ABCG2: variants seen among roughly 807,000 people sequenced by gnomAD.
ABCG2 encodes the protein ATP binding cassette subfamily G member 2 (JR blood group).
A neutral mutation model predicts 73.5 loss-of-function variants in ABCG2; 80 were observed. The observed-to-expected ratio is 1.09, with a 90% confidence interval of 0.91 to 1.31. ABCG2 has a LOEUF of 1.31. Ranked by LOEUF, ABCG2 falls within the 50% of genes most tolerant of loss-of-function variation. The pLI is 0.00. For synonymous variants in ABCG2, 269 were observed against 282.4 expected, an observed-to-expected ratio of 0.95 and a Z score of 0.48; for missense variants, 796 against 786.2, an observed-to-expected ratio of 1.01 and a Z score of -0.15.
intron 1 of ABCG2, among the ~76,000 whole-genome samples, chr4:88,158,008 T>C (rs908531269): frequency 1.6e-4 from 25 of 152,360 alleles, no homozygotes; most frequent in Admixed American, 1.1e-3. Flanking sequence ...AATTCCTATA[T>C]TGGTCAACCC....
intron 7 of ABCG2, 140 bp downstream of exon 7, chr4:88,117,969 A>T: frequency 1.3e-6 from 1 of 797,804 alleles, no homozygotes; most frequent in Non-Finnish European, 1.9e-6. Flanking sequence ...CTAGCACCAA[A>T]TGGAACAAAC....
rs577453358 is a variant in ABCG2, at chr4:88,151,594, T to C, written c.-20+6792A>G. Among the ~76,000 whole-genome samples, 484 of 152,022 alleles carry C rather than the reference T, an allele frequency of 3.2e-3. 1 individual carries two copies. Among genetic ancestry groups the C allele is most frequent in the African/African-American group, 0.011 (463 of 41,456 alleles). ...TCTACTAAAAATACAAAAAAGTAGC[T>C]GGGCGTGGTGGAGGGGCGCCGGTAG... On this transcript the variant is annotated intron_variant, in intron 1 of 15. Coordinates refer to ENST00000237612, the MANE Select transcript of ABCG2 (RefSeq NM_004827.3).
In ABCG2 at chr4:88,094,648, A is replaced by G; in HGVS notation, c.1749T>C (p.His583=). Residue 583 remains histidine, a synonymous_variant, in exon 15 of 16, where the codon CAT becomes CAC. Coordinates refer to ENST00000237612, the MANE Select transcript of ABCG2 (RefSeq NM_004827.3). ...IPRYGFTALQ[H]NEFLGQNFCP... is the part of the protein sequence containing the mutation. ...AGAAGTTTTGTCCCAAAAATTCATT[A>G]TGCTGCAAAGCCTATAACACAAGTG... 6.2e-7 allele frequency: 1 copy of G among 1,613,720 alleles called. No homozygotes were observed. Among genetic ancestry groups the G allele is most frequent in the Non-Finnish European group, 8.5e-7 (1 of 1,179,568 alleles).
chr4:88,202,354 T>TATATATATCTATATATATATATATA (rs1553945717), intron 1 of ABCG2, among the ~76,000 whole-genome samples: 1 of 62,086 alleles, frequency 1.6e-5, no homozygotes, highest in African/African-American at 5.2e-5. Context: ...CTACAATTAT[T>TATATATATCTATATATATATATATA]TATATATATA....
intron 1 of ABCG2, among the ~76,000 whole-genome samples, chr4:88,177,260 G>C (rs1728034650): frequency 6.6e-6 from 1 of 152,128 alleles, no homozygotes; most frequent in Middle Eastern, 3.4e-3. Flanking sequence ...TGTGGTCCCA[G>C]CTACTCGGGA....
intron 9 of ABCG2, among the ~76,000 whole-genome samples, chr4:88,112,471 C>T (rs544894955): frequency 9.5e-4 from 144 of 152,246 alleles, no homozygotes; most frequent in African/African-American, 3.4e-3. Context: ...CCCTTCTCTG[C>T]TTAAACTTTC....
chr4:88,161,857 T>C (rs1038944401), upstream of ABCG2, among the ~76,000 whole-genome samples: 1 of 123,816 alleles, frequency 8.1e-6, no homozygotes, highest in East Asian at 2.3e-4. Context: ...TTTTAATGAT[T>C]GCCATTCTAA....
chr4:88,198,028 C>CA (rs34030026), intron 1 of ABCG2, among the ~76,000 whole-genome samples: 42,138 of 115,404 alleles, frequency 0.37, 8,828 homozygotes, highest in African/African-American at 0.61. Flanking sequence ...AGACTGTCTC[C>CA]AAAAAAAAAA....
chr4:88,151,268 G>A (rs1211591126), intron 1 of ABCG2, among the ~76,000 whole-genome samples: 1 of 152,128 alleles, frequency 6.6e-6, no homozygotes, highest in East Asian at 1.9e-4. Flanking sequence ...GGGATCCTAA[G>A]TCCCCAGGGG....
intron 1 of ABCG2, among the ~76,000 whole-genome samples, chr4:88,219,034 A>G (rs1729913525): frequency 6.6e-6 from 1 of 152,244 alleles, no homozygotes. Flanking sequence ...GAACCTAAGC[A>G]GGGAGTTGAT....
intron 15 of ABCG2, 140 bp downstream of exon 15, chr4:88,094,437 C>T (rs916677823): frequency 1.5e-5 from 10 of 653,276 alleles, no homozygotes; most frequent in Non-Finnish European, 2.4e-5. Flanking sequence ...TCGCGCACAA[C>T]TCACTTTATG....
At chr4:88,107,955 T>A (rs1026201449) in intron 9 of ABCG2, among the ~76,000 whole-genome samples, 9 of 152,064 alleles carry the variant, frequency 5.9e-5, no homozygotes, top group African/African-American at 2.2e-4. Flanking sequence ...CCACTACCCA[T>A]CTCCTGTCAC....
At chr4:88,204,272 T>A (rs144292084) in intron 1 of ABCG2, among the ~76,000 whole-genome samples, 10,635 of 151,820 alleles carry the variant, frequency 0.07, 634 homozygotes, top group East Asian at 0.32. Context: ...ATACAAAAAA[T>A]TAGCCGGGCG....
At chr4:88,123,028 G>A (rs149027545) in intron 5 of ABCG2, among the ~76,000 whole-genome samples, 1 of 152,148 alleles carries the variant, frequency 6.6e-6, no homozygotes, top group African/African-American at 2.4e-5. Context: ...GTGATACCCA[G>A]GCAAACAGGG....
At chr4:88,206,871 A>C (rs538802320) in intron 1 of ABCG2, among the ~76,000 whole-genome samples, 1 of 152,290 alleles carries the variant, frequency 6.6e-6, no homozygotes, top group South Asian at 2.1e-4. Context: ...TGGTGCATTT[A>C]CAATCCTTTA....
intron 1 of ABCG2, among the ~76,000 whole-genome samples, chr4:88,225,428 A>G (rs1303967817): frequency 6.6e-6 from 1 of 152,204 alleles, no homozygotes; most frequent in East Asian, 1.9e-4. Context: ...TGATAAGAAC[A>G]ATGGTGAGAG....
At position 88,113,683 on chromosome 4, in the gene ABCG2, C is replaced by T; in HGVS notation, c.944-130G>A. 13 of 1,210,798 alleles carry T rather than the reference C, an allele frequency of 1.1e-5. No individual in the cohort carries two copies. The South Asian group carries it at 1.9e-4, about 18-fold the overall frequency. 75.0% of individuals were successfully genotyped at this position (1,210,798 alleles called of 1,614,324 possible). On this transcript the variant is annotated intron_variant, in intron 8 of 15. Transcript: ENST00000237612. ...TAAAGCTTTAGAAAGAAAAAATAGG[C>T]CAGGCACGGCGGCTCATGACTGTAA...
At chr4:88,152,991 T>C (rs1726631128) in intron 1 of ABCG2, among the ~76,000 whole-genome samples, 1 of 152,120 alleles carries the variant, frequency 6.6e-6, no homozygotes, top group Non-Finnish European at 1.5e-5. Flanking sequence ...GATACAATTT[T>C]GTATGAATTG....
chr4:88,133,530 A>G (rs1725043541), intron 2 of ABCG2, among the ~76,000 whole-genome samples: 2 of 152,250 alleles, frequency 1.3e-5, no homozygotes, highest in South Asian at 4.1e-4. Flanking sequence ...GACGTGGTAC[A>G]TACATAAGCA....
Sources: gnomAD v4.1 joint callset for allele counts (sites outside exome capture counted in the v4.1 genomes callset) on GRCh38, gnomAD v4.1.1 for gene constraint, MANE v1.5 for transcripts, NCBI Gene and HGNC (gene_info 2026-07-23, HGNC 2026-07-21) for gene names.